Variants in DOP1B observed in about 807,000 individuals in gnomAD.
DOP1B encodes the protein DOP1 leucine zipper like protein B.
In DOP1B, 174 loss-of-function variants were observed where a neutral mutation model predicts 233.5. The ratio of observed to expected loss-of-function variants is 0.75; its 90% CI spans 0.66 to 0.85. DOP1B has a LOEUF of 0.85. Among genes scored for constraint, DOP1B ranks in the 40% least tolerant of loss-of-function variants. DOP1B has a pLI of 0.00. For missense variants in DOP1B, 2,652 were observed against 2,846.6 expected (o/e 0.93, Z 1.56); for synonymous variants, 1,190 against 1,185.6 (o/e 1.00, Z -0.08).
At chr21:36,212,162 G>A in intron 7 of DOP1B, 65 bp downstream of exon 7, 1 of 1,475,504 alleles carries the variant, frequency 6.8e-7, no homozygotes. Flanking sequence ...GCTGACTTCT[G>A]GAATAAGATT....
intron 32 of DOP1B, 34 bp from the exon 33 acceptor site, chr21:36,287,980 T>A: frequency 1.2e-6 from 2 of 1,602,728 alleles, no homozygotes; most frequent in African/African-American, 2.7e-5. Flanking sequence ...AAACTGCATA[T>A]TTGTGTAACA....
chr21:36,174,225 C>T (rs763109135), intron 2 of DOP1B, among the ~76,000 whole-genome samples: 4 of 152,166 alleles, frequency 2.6e-5, no homozygotes, highest in Admixed American at 6.5e-5. Flanking sequence ...TGGTGGCTCA[C>T]GTGTGTAGTC....
intron 27 of DOP1B, among the ~76,000 whole-genome samples, chr21:36,271,311 T>TTGGAGTG (rs2067286473): frequency 1.6e-5 from 2 of 126,760 alleles, no homozygotes; most frequent in African/African-American, 3.4e-5. Context: ...AGGTTGGAGT[T>TTGGAGTG]CACCCAGGTT....
Position 36,246,993 on chromosome 21 carries a change from T to C in DOP1B, c.4697+316T>C, listed in dbSNP as rs1300494499. On this transcript the variant is annotated intron_variant, in intron 19 of 36. Coordinates refer to ENST00000691173, the MANE Select transcript of DOP1B (RefSeq NM_001320714.2). The surrounding 1 kb of genome is among the most constrained non-coding windows in gnomAD (Gnocchi z 5.1). ...CTCCCAGGTTCAAACAATTCTCCTG[T>C]CTCAGCCTCCCGAGTAGCTGGGATT... Among the ~76,000 whole-genome samples, 5 of 152,092 alleles carry C rather than the reference T, an allele frequency of 3.3e-5. No homozygotes were observed. Among genetic ancestry groups the C allele is most frequent in the Admixed American group, 3.3e-4 (5 of 15,252 alleles).
chr21:36,286,214 A>G (rs1250000291), intron 32 of DOP1B, among the ~76,000 whole-genome samples: 2 of 152,106 alleles, frequency 1.3e-5, no homozygotes, highest in Non-Finnish European at 2.9e-5. Context: ...AAGGATACGA[A>G]GGTGCAATTA....
At position 36,200,445 on chromosome 21, in the gene DOP1B, G is replaced by C. The variant is rs758679723; in HGVS notation, c.435G>C (p.Gln145His). The C allele has an allele frequency of 6.2e-7, 1 of 1,613,288 alleles. No homozygotes were observed. Among genetic ancestry groups the C allele is most frequent in the South Asian group, 1.1e-5 (1 of 91,072 alleles). ...AGAAGCTGCTCCTGCCCAGTCTGCAGGCCTTCATCGTGGGCCTGCTGCCCG... is the reference window on the plus strand; with the variant it reads ...AGAAGCTGCTCCTGCCCAGTCTGCACGCCTTCATCGTGGGCCTGCTGCCCG... Reference protein sequence around the residue: ...PLQKLLLPSLQAFIVGLLPGL... With the variant: ...PLQKLLLPSLHAFIVGLLPGL... Residue 145 changes from glutamine (Q) to histidine (H), a missense_variant, in exon 4 of 37, where the codon CAG (glutamine) becomes CAC (histidine). By Grantham distance (24) the Gln-to-His change is conservative (BLOSUM62 0). Around this residue, in one of 3 missense-constraint regions of DOP1B, gnomAD observed 2,617 missense variants for 2,794.3 expected, o/e 0.94. Transcript: ENST00000691173.
At chr21:36,237,168 A>G in intron 15 of DOP1B, 94 bp from the exon 16 acceptor site, 1 of 1,515,204 alleles carries the variant, frequency 6.6e-7, no homozygotes, top group Non-Finnish European at 9.1e-7. Context: ...GGTGAGATCC[A>G]GTATGTCGGG....
intron 2 of DOP1B, chr21:36,169,829 A>G: frequency 3.0e-6 from 3 of 1,009,904 alleles, no homozygotes; most frequent in South Asian, 2.5e-5. Context: ...TTGTTAGAGA[A>G]ACACCTTTTG....
chr21:36,224,756 A>G (rs1429548581), intron 11 of DOP1B, among the ~76,000 whole-genome samples: 1 of 150,992 alleles, frequency 6.6e-6, no homozygotes, highest in Non-Finnish European at 1.5e-5. Context: ...CTTGAATTTC[A>G]GTATAAGATA....
chr21:36,246,668 T>A lies in DOP1B; in HGVS notation c.4688T>A (p.Leu1563His). The stretch of plus-strand genomic sequence containing the variant: ...CAGTATGAAAGCGAATCTGTGAAGC[T>A]CTCTGTCAGGTGCGTTACGCTCCTT... ...VKQYESESVKLSVSTTSKREN... is the reference protein window; with the variant it reads ...VKQYESESVKHSVSTTSKREN... Residue 1563 changes from leucine (L) to histidine (H), a missense_variant, in exon 19 of 37, where the codon CTC (leucine) becomes CAC (histidine). Physicochemically the swap from Leu to His is moderately conservative, Grantham distance 99 (BLOSUM62 -3). Transcript: ENST00000691173. The surrounding 1 kb of genome is among the most constrained non-coding windows in gnomAD (Gnocchi z 5.1). The A allele has an allele frequency of 6.2e-7, 1 of 1,609,712 alleles. No homozygotes were observed. Among genetic ancestry groups the A allele is most frequent in the Non-Finnish European group, 8.5e-7 (1 of 1,176,524 alleles).
At chr21:36,231,743 A>G (rs569344962) in intron 14 of DOP1B, among the ~76,000 whole-genome samples, 1 of 150,072 alleles carries the variant, frequency 6.7e-6, no homozygotes, top group South Asian at 2.1e-4. Flanking sequence ...GGTGACACCA[A>G]CTCAGCTCAC....
In DOP1B at chr21:36,246,079, G is replaced by T. The variant is rs1341304860; in HGVS notation, c.4099G>T (p.Glu1367Ter). ...MQLVSVAKSS[E>*]GKNVEFIHSL... ...GCTGGTCTCAGTGGCCAAGTCTTCG[G>T]AAGGGAAGAACGTGGAGTTCATCCA... is the stretch of plus-strand genomic sequence containing the variant. Residue 1367 changes from glutamate (E) to a stop codon, truncating the protein, a stop_gained, in exon 19 of 37, where the codon GAA becomes TAA. Coordinates refer to ENST00000691173, the MANE Select transcript of DOP1B (RefSeq NM_001320714.2). LOFTEE classifies it high-confidence loss of function. The surrounding 1 kb of genome is among the most constrained non-coding windows in gnomAD (Gnocchi z 5.1). 6.2e-7 allele frequency: 1 copy of T among 1,614,112 alleles called. No individual in the cohort carries two copies. The highest frequency in any genetic ancestry group is 1.1e-5 in the South Asian group (1 of 91,084).
intron 2 of DOP1B, among the ~76,000 whole-genome samples, chr21:36,192,028 C>T (rs2066239673): frequency 6.6e-6 from 1 of 152,054 alleles, no homozygotes; most frequent in African/African-American, 2.4e-5. Context: ...TGGAGTCCTA[C>T]CGAATTGCCC....
At chr21:36,238,741 G>T in intron 17 of DOP1B, 40 bp downstream of exon 17, 1 of 1,601,304 alleles carries the variant, frequency 6.2e-7, no homozygotes, top group Non-Finnish European at 8.6e-7. Context: ...TAACTCACGA[G>T]GAAACTCCAC....
intron 27 of DOP1B, among the ~76,000 whole-genome samples, chr21:36,270,791 G>A (rs910588051): frequency 6.6e-6 from 1 of 150,698 alleles, no homozygotes. Flanking sequence ...GTGGGCGCCT[G>A]TAATCCCAGC....
At chr21:36,274,853 GTGTT>G (rs1197392049) in intron 27 of DOP1B, among the ~76,000 whole-genome samples, 2 of 151,972 alleles carry the variant, frequency 1.3e-5, no homozygotes, top group African/African-American at 2.4e-5. Context: ...GTTGTTTTGT[GTGTT>G]TGTTTGAGAT....
chr21:36,177,105 G>A (rs911726452), intron 2 of DOP1B, among the ~76,000 whole-genome samples: 1 of 152,172 alleles, frequency 6.6e-6, no homozygotes, highest in East Asian at 1.9e-4. Context: ...GAGCCACCGT[G>A]CCCAGTCCTA....
chr21:36,251,194 C>T lies in DOP1B; in HGVS notation c.5031C>T (p.Asn1677=), dbSNP rs1251813228. ...GACAAAAAATTTTAGACTTCTTAAA[C>T]CCCTTGACGGCCCATCTTGGGGTTC... ...TIRQKILDFL[N]PLTAHLGVQL... Residue 1677 remains asparagine, a synonymous_variant, in exon 22 of 37, where the codon AAC becomes AAT. Coordinates refer to ENST00000691173, the MANE Select transcript of DOP1B (RefSeq NM_001320714.2). 3 of 1,613,772 alleles carry T rather than the reference C, an allele frequency of 1.9e-6. No individual in the cohort carries two copies. The highest frequency in any genetic ancestry group is 2.7e-5 in the African/African-American group (2 of 74,882).
chr21:36,274,396 G>C (rs540772692), intron 27 of DOP1B, among the ~76,000 whole-genome samples: 1 of 152,278 alleles, frequency 6.6e-6, no homozygotes, highest in African/African-American at 2.4e-5. Context: ...CAGGTTTTTG[G>C]CTTAAGCAAT....
Sources: allele counts gnomAD v4.1 joint callset (sites outside exome capture counted in the v4.1 genomes callset), GRCh38; gene constraint gnomAD v4.1.1; regional missense constraint gnomAD v4.1.1; non-coding constraint Gnocchi (gnomAD v3.1); transcripts MANE v1.5; gene names NCBI Gene and HGNC (gene_info 2026-07-23, HGNC 2026-07-21).